The following BMPR1B variants were observed in gnomAD, a reference collection of about 807,000 sequenced individuals.
The protein encoded by BMPR1B is bone morphogenetic protein receptor type-1B.
A neutral mutation model predicts 59.1 loss-of-function variants in BMPR1B; 12 were observed. The ratio of observed to expected loss-of-function variants is 0.20; its 90% CI spans 0.13 to 0.33. The LOEUF (loss-of-function observed/expected upper bound fraction) is 0.33, where lower values mean the gene tolerates loss of function less well. BMPR1B is among the 10% of genes least tolerant of loss of function. The pLI is 1.00. For missense variants in BMPR1B, 550 were observed against 610.9 expected, an observed-to-expected ratio of 0.90 and a Z score of 1.05; for synonymous variants, 237 against 207.3, an observed-to-expected ratio of 1.14 and a Z score of -1.23.
chr4:94,794,012 C>T (rs1235306504), intron 1 of BMPR1B, among the ~76,000 whole-genome samples: 1 of 149,912 alleles, frequency 6.7e-6, no homozygotes, highest in Admixed American at 6.6e-5. Flanking sequence ...TACAGAAGCT[C>T]TTTAGTTTAA....
At chr4:95,060,124 A>T (rs1727243761) in intron 3 of BMPR1B, among the ~76,000 whole-genome samples, 1 of 152,186 alleles carries the variant, frequency 6.6e-6, no homozygotes, top group Non-Finnish European at 1.5e-5. Context: ...GAATCACTGC[A>T]GGTCGTTTTT....
intron 1 of BMPR1B, among the ~76,000 whole-genome samples, chr4:94,785,715 C>G (rs1181853970): frequency 1.3e-5 from 2 of 152,028 alleles, no homozygotes; most frequent in Non-Finnish European, 2.9e-5. Flanking sequence ...AAATTAACCC[C>G]AAGATATAAG....
At chr4:94,865,361 T>C (rs557931416) in intron 1 of BMPR1B, among the ~76,000 whole-genome samples, 2 of 152,074 alleles carry the variant, frequency 1.3e-5, no homozygotes, top group East Asian at 3.9e-4. Flanking sequence ...TAGAACATAG[T>C]TCTAAACACA....
chr4:94,840,612 A>G (rs1488800774), intron 1 of BMPR1B, among the ~76,000 whole-genome samples: 1 of 145,370 alleles, frequency 6.9e-6, no homozygotes, highest in Admixed American at 6.8e-5. Context: ...TTTCAGCTCC[A>G]TCAGCTCCTT....
chr4:94,892,642 CAGA>C (rs1163754686), intron 2 of BMPR1B, among the ~76,000 whole-genome samples: 1 of 151,962 alleles, frequency 6.6e-6, no homozygotes, highest in Non-Finnish European at 1.5e-5. Flanking sequence ...GGAGACTTTA[CAGA>C]AGATGTGATA....
chr4:95,144,490 T>TAAAA (rs1210564583), intron 10 of BMPR1B, among the ~76,000 whole-genome samples: 3,996 of 148,946 alleles, frequency 0.027, 59 homozygotes, highest in Middle Eastern at 0.072. Flanking sequence ...TTTTTTTTTT[T>TAAAA]AAAAAAAATA....
intron 2 of BMPR1B, among the ~76,000 whole-genome samples, chr4:94,993,253 A>G (rs1258760790): frequency 6.6e-6 from 1 of 152,042 alleles, no homozygotes; most frequent in African/African-American, 2.4e-5. Flanking sequence ...GGTAGTTTTA[A>G]TGGAATCAGT....
chr4:95,102,353 T>A (rs2149263149), intron 3 of BMPR1B, among the ~76,000 whole-genome samples: 1 of 152,242 alleles, frequency 6.6e-6, no homozygotes, highest in East Asian at 1.9e-4. Context: ...CTGTGTGTGT[T>A]TAATTCATCC....
chr4:94,838,013 T>A (rs1212679497), intron 1 of BMPR1B, among the ~76,000 whole-genome samples: 1 of 139,328 alleles, frequency 7.2e-6, no homozygotes, highest in Non-Finnish European at 1.6e-5. Flanking sequence ...TCTATTGAGA[T>A]AATCATGTGG....
At chr4:94,795,706 C>G (rs772100517) in intron 1 of BMPR1B, among the ~76,000 whole-genome samples, 1 of 151,782 alleles carries the variant, frequency 6.6e-6, no homozygotes, top group South Asian at 2.1e-4. Context: ...TCAAGTGATC[C>G]GCCCACCTTG....
At chr4:94,946,092 A>C (rs2149048937) in intron 2 of BMPR1B, among the ~76,000 whole-genome samples, 1 of 152,294 alleles carries the variant, frequency 6.6e-6, no homozygotes, top group Non-Finnish European at 1.5e-5. Context: ...AACTCTTAGA[A>C]TAACAATAAT....
chr4:94,951,184 G>A (rs1729920826), intron 2 of BMPR1B, among the ~76,000 whole-genome samples: 1 of 152,122 alleles, frequency 6.6e-6, no homozygotes, highest in African/African-American at 2.4e-5. Context: ...TCAGATGATG[G>A]GGTTTTCTAA....
chr4:94,873,336 C>A (rs17022418), intron 1 of BMPR1B, among the ~76,000 whole-genome samples: 2 of 151,652 alleles, frequency 1.3e-5, no homozygotes, highest in Non-Finnish European at 2.9e-5. Flanking sequence ...TTTTGCAGAT[C>A]GAATCTTGTA....
chr4:94,932,870 CAG>C (rs1157189044), intron 2 of BMPR1B, among the ~76,000 whole-genome samples: 1 of 152,118 alleles, frequency 6.6e-6, no homozygotes, highest in Non-Finnish European at 1.5e-5. Context: ...GAATATCACT[CAG>C]AAAGTTCTGA....
chr4:94,825,804 G>A (rs1196992610), intron 1 of BMPR1B, among the ~76,000 whole-genome samples: 1 of 152,022 alleles, frequency 6.6e-6, no homozygotes, highest in Non-Finnish European at 1.5e-5. Context: ...CTATTTTTCT[G>A]AATGGAAATA....
intron 4 of BMPR1B, 107 bp from the exon 5 acceptor site, chr4:95,114,613 A>G (rs1195547407): frequency 5.2e-6 from 5 of 964,334 alleles, no homozygotes; most frequent in Non-Finnish European, 8.4e-6. Context: ...AATAAAACAA[A>G]TGATACACAT....
rs1321892802 is a variant in BMPR1B, at chr4:95,034,754, TTTTCATATAATAACTTTTTTTTC to T, written c.-18+38621_-18+38643del. On this transcript the variant is annotated intron_variant, in intron 3 of 12. Coordinates refer to ENST00000515059, the MANE Select transcript of BMPR1B (RefSeq NM_001203.3). ...TATAAACAGGTGTGTACATGTGGCTTTTTCATATAATAACTTTTTTTTCCCTCTGGGTAGATACACAGGAGCGG... is the reference window on the plus strand; with the variant it reads ...TATAAACAGGTGTGTACATGTGGCTTCCTCTGGGTAGATACACAGGAGCGG... Among the ~76,000 whole-genome samples, 14 of 151,604 alleles carry T rather than the reference TTTTCATATAATAACTTTTTTTTC, an allele frequency of 9.2e-5. No individual in the cohort carries two copies. The South Asian group carries it at 2.9e-3, about 31-fold the overall frequency.
intron 3 of BMPR1B, among the ~76,000 whole-genome samples, chr4:95,036,944 A>C (rs920540106): frequency 6.6e-6 from 1 of 152,114 alleles, no homozygotes; most frequent in South Asian, 2.1e-4. Context: ...GGATGCTGCC[A>C]CTAAAACTGG....
In BMPR1B at chr4:95,157,920, CT is replaced by C. The variant is rs1735529799; in HGVS notation, c.*3250del. 1.3e-5 allele frequency: 2 copies of C among 152,242 alleles called. No individual in the cohort carries two copies. The highest frequency in any genetic ancestry group is 4.1e-4 in the South Asian group (2 of 4,822). 9.4% of individuals were successfully genotyped at this position (152,242 alleles called of 1,614,324 possible). ...GCTGAGATTTTATTTACAGGGAATT[CT>C]TTGACACATTTCAATTGGTGTGTAG... On this transcript the variant is annotated 3_prime_UTR_variant, in exon 13 of 13. Coordinates refer to ENST00000515059, the MANE Select transcript of BMPR1B (RefSeq NM_001203.3).
Sources: allele counts gnomAD v4.1 joint callset (sites outside exome capture counted in the v4.1 genomes callset), GRCh38; gene constraint gnomAD v4.1.1; transcripts MANE v1.5; gene names NCBI Gene and HGNC (gene_info 2026-07-23, HGNC 2026-07-21).